IGFN1: variants seen among roughly 807,000 people sequenced by gnomAD.
IGFN1 encodes immunoglobulin-like and fibronectin type III domain-containing protein 1.
Under a neutral mutation model 289.5 loss-of-function variants are expected in IGFN1, and 253 were observed. The observed-to-expected ratio is 0.87, with a 90% confidence interval of 0.79 to 0.97. The LOEUF is 0.97. IGFN1 is among the 50% of genes least tolerant of loss of function. The pLI is 0.00. For synonymous variants in IGFN1, 1,706 were observed against 1,788.5 expected, an observed-to-expected ratio of 0.95 and a Z score of 1.16; for missense variants, 4,470 against 4,686.1, an observed-to-expected ratio of 0.95 and a Z score of 1.35.
intron 18 of IGFN1, among the ~76,000 whole-genome samples, chr1:201,220,403 C>T (rs1165028429): frequency 6.6e-6 from 1 of 152,208 alleles, no homozygotes; most frequent in African/African-American, 2.4e-5. Context: ...TGGTCTTGAA[C>T]TCCTGCTTTC....
In IGFN1 at chr1:201,213,279, G is replaced by A. The variant is rs766660364; in HGVS notation, c.8386G>A (p.Glu2796Lys). 3.9e-6 allele frequency: 6 copies of A among 1,556,864 alleles called. No individual in the cohort carries two copies. The highest frequency in any genetic ancestry group is 2.7e-5 in the African/African-American group (2 of 73,354). The change falls in exon 12 of 24, where the codon GAG (glutamate) becomes AAG (lysine). Residue 2796 changes from glutamate (E) to lysine (K), a missense_variant. By Grantham distance (56) the Glu-to-Lys change is moderately conservative. Around this residue, in one of 8 missense-constraint regions of IGFN1, gnomAD observed 2,218 missense variants for 2,114.1 expected, o/e 1.05. Coordinates refer to ENST00000335211, the MANE Select transcript of IGFN1 (RefSeq NM_001164586.2). Reference sequence around the variant, plus strand: ...GGTCCAGGGTCCTGGGGCCCTAAAGGAGGATGAAGGGCAGGGAGTGGAAGA... The same window carrying A: ...GGTCCAGGGTCCTGGGGCCCTAAAGAAGGATGAAGGGCAGGGAGTGGAAGA... Reference protein sequence around the residue: ...GEVQGPGALKEDEGQGVEEAG... With the variant: ...GEVQGPGALKKDEGQGVEEAG...
At position 201,225,133 on chromosome 1, in the gene IGFN1, C is replaced by T. The variant is rs145227870; in HGVS notation, c.10486+259C>T. 5.6e-4 allele frequency among the ~76,000 whole-genome samples: 86 copies of T among 152,330 alleles called. 1 individual carries two copies. The Middle Eastern group carries it at 0.01, about 18-fold the overall frequency. On this transcript the variant is annotated intron_variant, in intron 21 of 23. Transcript: ENST00000335211. ...TGTCTCCTCTCCGACCTCAGTTATCCTTCCCGTTGAGTCAGTGAGCAGAGG... is the reference window on the plus strand; with the variant it reads ...TGTCTCCTCTCCGACCTCAGTTATCTTTCCCGTTGAGTCAGTGAGCAGAGG...
chr1:201,216,367 G>C (rs1431589058), intron 15 of IGFN1, 87 bp from the exon 16 acceptor site: 1 of 1,031,698 alleles, frequency 9.7e-7, no homozygotes, highest in African/African-American at 1.7e-5. Context: ...GGGGGAGTCG[G>C]GGTGGCGGGG....
At position 201,211,637 on chromosome 1, in the gene IGFN1, A is replaced by G. The variant is rs1256484436; in HGVS notation, c.6744A>G (p.Ala2248=). Residue 2248 remains alanine (A), a synonymous_variant, in exon 12 of 24, where the codon GCA becomes GCG. Transcript: ENST00000335211. ...GGGAAATGGGGTCAATGGATGAGGC[A>G]GATTATAGGAAGGATTTGGGAGCTC... The part of the protein sequence containing the change: ...SSGEMGSMDE[A]DYRKDLGAPE... 13 of 1,536,824 alleles carry G rather than the reference A, an allele frequency of 8.5e-6. No individual in the cohort carries two copies. The highest frequency in any genetic ancestry group is 1.1e-5 in the Non-Finnish European group (13 of 1,146,772).
rs2102335989 is a variant in IGFN1, at chr1:201,207,669, G to C, written c.2776G>C (p.Gly926Arg). ...AGGGTCTGAACCAGATTTCTGGAAT[G>C]GGTCAGGGAGCTCCAGAGTAAAAGG... The part of the protein sequence containing the change: ...SIGSEPDFWN[G>R]SGSSRVKGPR... The change falls in exon 12 of 24, where the codon GGG (glycine) becomes CGG (arginine). Residue 926 changes from glycine (G) to arginine (R), a missense_variant. Around this residue, in one of 8 missense-constraint regions of IGFN1, gnomAD observed 2,011 missense variants for 1,953.4 expected, o/e 1.03. Transcript: ENST00000335211. 6.5e-7 allele frequency: 1 copy of C among 1,537,144 alleles called. No individual in the cohort carries two copies. Among genetic ancestry groups the C allele is most frequent in the African/African-American group, 1.4e-5 (1 of 73,152 alleles).
At position 201,212,408 on chromosome 1, in the gene IGFN1, C is replaced by G; in HGVS notation, c.7515C>G (p.Asp2505Glu). Residue 2505 changes from aspartate (D) to glutamate (E), a missense_variant, in exon 12 of 24, where the codon GAC becomes GAG. By Grantham distance (45) the Asp-to-Glu change is conservative. Around this residue, in one of 8 missense-constraint regions of IGFN1, gnomAD observed 2,218 missense variants for 2,114.1 expected, o/e 1.05. Coordinates refer to ENST00000335211, the MANE Select transcript of IGFN1 (RefSeq NM_001164586.2). ...DSSGTPGSSR[D>E]RGAPRVKDRS... ...CTGGGACTCCAGGGTCTTCTAGAGA[C>G]AGAGGGGCTCCCAGGGTGAAGGATA... 1 of 1,537,012 alleles carries G rather than the reference C, an allele frequency of 6.5e-7. No individual in the cohort carries two copies. Among genetic ancestry groups the G allele is most frequent in the Non-Finnish European group, 8.7e-7 (1 of 1,146,802 alleles).
In IGFN1 at chr1:201,208,084, G is replaced by A. The variant is rs1346549838; in HGVS notation, c.3191G>A (p.Gly1064Asp). ...TRNWASACQA[G>D]MDPRGGHHSD... Reference sequence around the variant, plus strand: ...AATTGGGCCTCTGCATGCCAGGCAGGCATGGACCCTAGGGGAGGGCACCAT... The same window carrying A: ...AATTGGGCCTCTGCATGCCAGGCAGACATGGACCCTAGGGGAGGGCACCAT... Residue 1064 changes from glycine (G) to aspartate (D), a missense_variant, in exon 12 of 24, where the codon GGC (glycine) becomes GAC (aspartate). Transcript: ENST00000335211. The A allele has an allele frequency of 6.5e-7, 1 of 1,537,022 alleles. No homozygotes were observed. Among genetic ancestry groups the A allele is most frequent in the South Asian group, 1.2e-5 (1 of 84,064 alleles).
intron 5 of IGFN1, among the ~76,000 whole-genome samples, chr1:201,198,951 C>G (rs1205135869): frequency 1.3e-5 from 2 of 152,170 alleles, no homozygotes; most frequent in Non-Finnish European, 2.9e-5. Flanking sequence ...GGGCCTATAC[C>G]CTGAAATGGC....
At chr1:201,199,178 T>C (rs1037780093) in intron 5 of IGFN1, among the ~76,000 whole-genome samples, 156 bp from the exon 6 acceptor site, 1 of 152,158 alleles carries the variant, frequency 6.6e-6, no homozygotes, top group African/African-American at 2.4e-5. Flanking sequence ...TCCACCCTGC[T>C]CCATCCCTCT....
At chr1:201,197,884 G>A (rs964868915) in intron 5 of IGFN1, among the ~76,000 whole-genome samples, 4 of 152,192 alleles carry the variant, frequency 2.6e-5, no homozygotes, top group African/African-American at 9.7e-5. Flanking sequence ...ATCCTACTAA[G>A]AGCAGCCTAA....
intron 13 of IGFN1, among the ~76,000 whole-genome samples, chr1:201,214,626 G>A (rs566416507): frequency 1.3e-5 from 2 of 151,996 alleles, no homozygotes; most frequent in African/African-American, 2.4e-5. Context: ...CCAGAAGGGG[G>A]CCCTCGTCTC....
intron 22 of IGFN1, 43 bp downstream of exon 22, chr1:201,226,166 G>A (rs1467812830): frequency 1.3e-6 from 2 of 1,524,720 alleles, no homozygotes; most frequent in Non-Finnish European, 8.8e-7. Context: ...GGTGGGGGTT[G>A]CGCTCTGCAA....
In IGFN1 at chr1:201,215,164, A is replaced by AGCCCTGCCCT. The variant is rs200857066; in HGVS notation, c.8995+22_8995+31dup. The stretch of plus-strand genomic sequence containing the variant: ...ACCCTGACCGTCCAGGGTAAGGCCC[A>AGCCCTGCCCT]GCCCTGCCCTGCCCTGCCCTGTCCT... On this transcript the variant is annotated intron_variant, in intron 14 of 23. Coordinates refer to ENST00000335211, the MANE Select transcript of IGFN1 (RefSeq NM_001164586.2). 12 of 1,609,100 alleles carry AGCCCTGCCCT rather than the reference A, an allele frequency of 7.5e-6. No individual in the cohort carries two copies. Among genetic ancestry groups the AGCCCTGCCCT allele is most frequent in the Middle Eastern group, 1.9e-4 (1 of 5,162 alleles).
chr1:201,221,501 C>G lies in IGFN1; in HGVS notation c.9956C>G (p.Thr3319Ser). ...ACAGACAGATCGAACACCAGCATCA[C>G]TCTGAGCTGGGCTGGGCCAGACACC... The part of the protein sequence containing the change: ...QVTDRSNTSI[T>S]LSWAGPDTQE... The change falls in exon 19 of 24, where the codon ACT (threonine) becomes AGT (serine). Residue 3319 changes from threonine (T) to serine (S), a missense_variant. Transcript: ENST00000335211. 6.2e-7 allele frequency: 1 copy of G among 1,613,484 alleles called. No homozygotes were observed. Among genetic ancestry groups the G allele is most frequent in the Non-Finnish European group, 8.5e-7 (1 of 1,179,670 alleles).
At chr1:201,203,425 G>T (rs1291858863) in intron 9 of IGFN1, among the ~76,000 whole-genome samples, 1 of 152,226 alleles carries the variant, frequency 6.6e-6, no homozygotes, top group Admixed American at 6.5e-5. Context: ...TCGCAGGGCT[G>T]CTGGAGAGTA....
At chr1:201,205,495 A>G in intron 11 of IGFN1, 141 bp downstream of exon 11, 1 of 969,436 alleles carries the variant, frequency 1.0e-6, no homozygotes, top group Non-Finnish European at 1.5e-6. Context: ...CACCCACTGC[A>G]GTGCAGACCT....
In IGFN1 at chr1:201,208,018, G is replaced by T; in HGVS notation, c.3125G>T (p.Gly1042Val). 4 of 1,536,968 alleles carry T rather than the reference G, an allele frequency of 2.6e-6. No homozygotes were observed. Among genetic ancestry groups the T allele is most frequent in the Non-Finnish European group, 3.5e-6 (4 of 1,146,854 alleles). Residue 1042 changes from glycine (G) to valine (V), a missense_variant, in exon 12 of 24, where the codon GGC becomes GTC. By Grantham distance (109) the Gly-to-Val change is moderately radical. Coordinates refer to ENST00000335211, the MANE Select transcript of IGFN1 (RefSeq NM_001164586.2). ...GSGRVASLKNGSGGPDGAPMN... is the reference protein window; with the variant it reads ...GSGRVASLKNVSGGPDGAPMN... ...GGGAGAGTTGCCAGTCTTAAAAATG[G>T]CTCAGGTGGTCCTGATGGAGCACCC... is the stretch of plus-strand genomic sequence containing the variant.
Position 201,226,985 on chromosome 1 carries a change from G to A in IGFN1, c.10890G>A (p.Glu3630=), listed in dbSNP as rs748717202. Residue 3630 remains glutamate, a synonymous_variant, in exon 23 of 24, where the codon GAG becomes GAA. Transcript: ENST00000335211. ...LRSHLLPQGC[E]CCMSCAVQGS... ...CCCACCTGCTGCCCCAGGGCTGCGA[G>A]TGCTGCATGAGCTGTGCCGTGCAGG... 4 of 1,613,164 alleles carry A rather than the reference G, an allele frequency of 2.5e-6. No individual in the cohort carries two copies. The East Asian group carries it at 8.9e-5, about 36-fold the overall frequency.
rs748692621 is a variant in IGFN1 at position 201,206,352 on chromosome 1, C to T, written c.1459C>T (p.Gln487Ter). 1.7e-5 allele frequency: 26 copies of T among 1,550,430 alleles called. No homozygotes were observed. The highest frequency in any genetic ancestry group is 2.3e-5 in the Non-Finnish European group (26 of 1,146,986). ...AGCTGACTCAGCCTGGGGCCCTGGACAGGAGGGCGAGGGCTTTCCAGTAGC... is the reference window on the plus strand; with the variant it reads ...AGCTGACTCAGCCTGGGGCCCTGGATAGGAGGGCGAGGGCTTTCCAGTAGC... ...GTADSAWGPG[Q>*]EGEGFPVAEG... The change falls in exon 12 of 24, where the codon CAG becomes TAG. Residue 487 changes from glutamine (Q) to a stop codon, truncating the protein, a stop_gained. Transcript: ENST00000335211. LOFTEE classifies it high-confidence loss of function.
Sources: allele counts gnomAD v4.1 joint callset (sites outside exome capture counted in the v4.1 genomes callset), GRCh38; gene constraint gnomAD v4.1.1; regional missense constraint gnomAD v4.1.1; transcripts MANE v1.5; gene names NCBI Gene and HGNC (gene_info 2026-07-23, HGNC 2026-07-21).